The following CAST variants were observed in gnomAD, a reference collection of about 807,000 sequenced individuals.
CAST encodes the protein MIR583 host.
Under a neutral mutation model 119.6 loss-of-function variants are expected in CAST, and 76 were observed. The observed-to-expected ratio is 0.64, with a 90% CI of 0.53 to 0.77. The LOEUF (loss-of-function observed/expected upper bound fraction) is 0.77, where lower values mean the gene tolerates loss of function less well. CAST is among the 30% of genes least tolerant of loss of function. CAST has a pLI of 0.00. For missense variants in CAST, 953 were observed against 946.5 expected, an observed-to-expected ratio of 1.01 and a Z score of -0.09; for synonymous variants, 319 against 331.6, an observed-to-expected ratio of 0.96 and a Z score of 0.41.
At chr5:96,252,091 C>T in the CAST span, among the ~76,000 whole-genome samples, 7 of 152,110 alleles carry the variant, frequency 4.6e-5, no homozygotes, top group Non-Finnish European at 2.9e-5. Context: ...TTATTTAACT[C>T]TGGCAGAATT....
chr5:96,217,457 G>A, the CAST span, among the ~76,000 whole-genome samples: 1 of 152,004 alleles, frequency 6.6e-6, no homozygotes, highest in Non-Finnish European at 1.5e-5. Context: ...AGACAGTGAT[G>A]ACTATAACCA....
the CAST span, among the ~76,000 whole-genome samples, chr5:96,041,245 A>G: frequency 1.3e-5 from 2 of 152,158 alleles, no homozygotes; most frequent in Non-Finnish European, 2.9e-5. Context: ...GACAGTATAT[A>G]TTCTTGATTA....
chr5:96,538,198 A>G (rs1278093560), intron 1 of CAST, among the ~76,000 whole-genome samples: 2 of 152,162 alleles, frequency 1.3e-5, no homozygotes, highest in African/African-American at 4.8e-5. Context: ...AAACCTCCAC[A>G]TAGGTTATCA....
At chr5:96,546,067 C>T (rs188820850) in intron 1 of CAST, among the ~76,000 whole-genome samples, 19 of 152,332 alleles carry the variant, frequency 1.2e-4, no homozygotes, top group African/African-American at 4.6e-4. Context: ...ATTAAATTTA[C>T]TGCTTAAAGT....
chr5:96,644,221 A>G (rs969414350), intron 1 of CAST, among the ~76,000 whole-genome samples: 3 of 152,222 alleles, frequency 2.0e-5, no homozygotes, highest in African/African-American at 7.2e-5. Context: ...TTAAAAAAAT[A>G]CTTCACAACA....
chr5:96,494,377 TAAA>T, the CAST span, among the ~76,000 whole-genome samples: 1 of 152,110 alleles, frequency 6.6e-6, no homozygotes, highest in Non-Finnish European at 1.5e-5. Flanking sequence ...TAAATGATAG[TAAA>T]AGTTTTGATA....
intron 1 of CAST, among the ~76,000 whole-genome samples, chr5:96,638,160 C>A (rs1408258168): frequency 6.6e-6 from 1 of 151,996 alleles, no homozygotes; most frequent in African/African-American, 2.4e-5. Flanking sequence ...AATCCCAGCA[C>A]TTTGGGAGGC....
At chr5:96,330,012 C>T in the CAST span, among the ~76,000 whole-genome samples, 1 of 152,144 alleles carries the variant, frequency 6.6e-6, no homozygotes, top group Non-Finnish European at 1.5e-5. Flanking sequence ...AATGGGCCAA[C>T]TTGATTTCAC....
chr5:96,328,723 TCTAA>T, the CAST span, among the ~76,000 whole-genome samples: 840 of 152,294 alleles, frequency 5.5e-3, 9 homozygotes, highest in African/African-American at 0.019. Flanking sequence ...TCTTCTATGC[TCTAA>T]CTATCATGCC....
the CAST span, among the ~76,000 whole-genome samples, chr5:96,098,503 G>A: frequency 3.5e-3 from 532 of 152,250 alleles, 2 homozygotes; most frequent in African/African-American, 4.5e-3. Flanking sequence ...TTTTGTATGT[G>A]GTGTAAGGAA....
the CAST span, among the ~76,000 whole-genome samples, chr5:96,161,640 C>T: frequency 6.6e-6 from 1 of 152,132 alleles, no homozygotes; most frequent in African/African-American, 2.4e-5. Context: ...ATCACCTTGC[C>T]AATTTCTACA....
At chr5:95,983,413 A>G in the CAST span, among the ~76,000 whole-genome samples, 63 of 152,202 alleles carry the variant, frequency 4.1e-4, no homozygotes, top group Non-Finnish European at 8.7e-4. Flanking sequence ...GTCTATATAT[A>G]TTTGTAGAAA....
the CAST span, among the ~76,000 whole-genome samples, chr5:96,012,144 C>G: frequency 6.6e-6 from 1 of 152,242 alleles, no homozygotes; most frequent in African/African-American, 2.4e-5. Flanking sequence ...GAGTTCTGTT[C>G]TATGAATAAA....
chr5:96,558,652 AAC>A (rs1438261231), intron 1 of CAST, among the ~76,000 whole-genome samples: 1 of 152,244 alleles, frequency 6.6e-6, no homozygotes, highest in Non-Finnish European at 1.5e-5. Context: ...CCCAAGACTA[AAC>A]CAGGAAGAAA....
chr5:96,255,254 C>T, the CAST span, among the ~76,000 whole-genome samples: 1 of 152,076 alleles, frequency 6.6e-6, no homozygotes, highest in Non-Finnish European at 1.5e-5. Context: ...ATGCAGGAAA[C>T]AGCTTTTGCC....
the CAST span, chr5:96,318,712 A>G: frequency 6.6e-6 from 1 of 152,180 alleles, no homozygotes; most frequent in South Asian, 2.1e-4. Flanking sequence ...ATGATGGGCA[A>G]CTGACATATC....
chr5:96,338,408 T>A, the CAST span, among the ~76,000 whole-genome samples: 3 of 152,236 alleles, frequency 2.0e-5, no homozygotes, highest in Non-Finnish European at 4.4e-5. Context: ...TCCTTTGTAA[T>A]CCTTGTTTAT....
the CAST span, among the ~76,000 whole-genome samples, chr5:96,034,958 G>A: frequency 6.7e-6 from 1 of 149,766 alleles, no homozygotes; most frequent in Non-Finnish European, 1.5e-5. Flanking sequence ...TCTTTTGTAT[G>A]GCTGAGTAGT....
At chr5:96,506,335 C>A in the CAST span, among the ~76,000 whole-genome samples, 1 of 151,884 alleles carries the variant, frequency 6.6e-6, no homozygotes, top group Non-Finnish European at 1.5e-5. Flanking sequence ...AAGAGCTAAG[C>A]TGAGGCACCA....
Sources: allele counts gnomAD v4.1 joint callset (sites outside exome capture counted in the v4.1 genomes callset), GRCh38; gene constraint gnomAD v4.1.1; transcripts MANE v1.5; gene names NCBI Gene and HGNC (gene_info 2026-07-23, HGNC 2026-07-21).